CLNK: variants seen among roughly 807,000 people sequenced by gnomAD.
The protein encoded by CLNK is cytokine-dependent hematopoietic cell linker.
In CLNK, 74 loss-of-function variants were observed where a neutral mutation model predicts 68.6. That is an observed-to-expected ratio of 1.08 (90% CI 0.89 to 1.31). The LOEUF (loss-of-function observed/expected upper bound fraction) is 1.31. Ranked by LOEUF, CLNK falls within the 50% of genes most tolerant of loss-of-function variation. The pLI is 0.00. For synonymous variants in CLNK, 198 were observed against 172.2 expected (o/e 1.15, Z -1.17); for missense variants, 553 against 515.3 (o/e 1.07, Z -0.71).
chr4:10,667,732 C>A (rs1365026861), intron 2 of CLNK, 127 bp downstream of exon 2: 7 of 309,970 alleles, frequency 2.3e-5, no homozygotes, highest in Non-Finnish European at 3.4e-5. Context: ...CAACCATGGC[C>A]TCTCAGGAAA....
At chr4:10,648,025 C>T (rs193117738) in intron 2 of CLNK, among the ~76,000 whole-genome samples, 27 of 152,292 alleles carry the variant, frequency 1.8e-4, no homozygotes, top group African/African-American at 5.5e-4. Context: ...CCTGAAGATT[C>T]ACCTTCTACA....
chr4:10,631,281 A>G (rs752437566), intron 2 of CLNK, among the ~76,000 whole-genome samples: 1 of 152,230 alleles, frequency 6.6e-6, no homozygotes, highest in Non-Finnish European at 1.5e-5. Context: ...TCTCTCATAA[A>G]GGCTGAGTAC....
chr4:10,583,953 T>G (rs1720879294), intron 4 of CLNK, among the ~76,000 whole-genome samples: 2 of 152,280 alleles, frequency 1.3e-5, no homozygotes, highest in South Asian at 4.1e-4. Flanking sequence ...TTCTCTTCCC[T>G]CCAGGATGCC....
chr4:10,602,625 T>G (rs1721630705), intron 2 of CLNK, among the ~76,000 whole-genome samples: 1 of 152,168 alleles, frequency 6.6e-6, no homozygotes, highest in Non-Finnish European at 1.5e-5. Flanking sequence ...ACTTCTGGAC[T>G]CCAGAACGGT....
chr4:10,728,789 G>A, the CLNK span, among the ~76,000 whole-genome samples: 1 of 151,704 alleles, frequency 6.6e-6, no homozygotes, highest in Non-Finnish European at 1.5e-5. Context: ...TAGAGACGGG[G>A]TTTCGCCATG....
chr4:10,575,540 C>G (rs1458978078), intron 4 of CLNK, among the ~76,000 whole-genome samples: 2 of 152,270 alleles, frequency 1.3e-5, no homozygotes, highest in African/African-American at 4.8e-5. Context: ...CACACACGTG[C>G]ACACCAGGCC....
chr4:10,619,517 T>C (rs1304400674), intron 2 of CLNK, among the ~76,000 whole-genome samples: 1 of 152,130 alleles, frequency 6.6e-6, no homozygotes, highest in Admixed American at 6.5e-5. Context: ...TGTGTGGCAA[T>C]GACTTCACTA....
intron 2 of CLNK, among the ~76,000 whole-genome samples, chr4:10,656,026 C>T (rs911181162): frequency 2.6e-5 from 4 of 152,150 alleles, no homozygotes; most frequent in South Asian, 2.1e-4. Flanking sequence ...AAAAGATCCC[C>T]AAACTCCTCC....
At chr4:10,564,801 A>G in intron 6 of CLNK, 24 bp from the exon 7 acceptor site, 1 of 1,405,958 alleles carries the variant, frequency 7.1e-7, no homozygotes, top group South Asian at 1.2e-5. Flanking sequence ...AAAATATGAA[A>G]GTCATACCTT....
At chr4:10,602,051 T>G (rs1441420748) in intron 2 of CLNK, among the ~76,000 whole-genome samples, 2 of 152,202 alleles carry the variant, frequency 1.3e-5, no homozygotes, top group Admixed American at 6.5e-5. Flanking sequence ...CTCCAGACTG[T>G]TTTCTTGAGC....
chr4:10,576,561 C>T (rs537811330), intron 4 of CLNK, among the ~76,000 whole-genome samples: 2 of 152,224 alleles, frequency 1.3e-5, no homozygotes, highest in Non-Finnish European at 2.9e-5. Context: ...AAGGCAATTA[C>T]TCCAGCCCTG....
intron 2 of CLNK, among the ~76,000 whole-genome samples, chr4:10,623,838 CCTT>C (rs768907289): frequency 6.6e-6 from 1 of 152,184 alleles, no homozygotes; most frequent in Non-Finnish European, 1.5e-5. Context: ...CCCTAGAAAA[CCTT>C]CTGTGGAACT....
chr4:10,523,645 A>G (rs963908054), intron 14 of CLNK, among the ~76,000 whole-genome samples: 5 of 152,224 alleles, frequency 3.3e-5, no homozygotes, highest in East Asian at 1.9e-4. Flanking sequence ...ACATCAAATA[A>G]CTATTACAGA....
At chr4:10,707,695 T>A in the CLNK span, among the ~76,000 whole-genome samples, 1 of 152,216 alleles carries the variant, frequency 6.6e-6, no homozygotes, top group Admixed American at 6.5e-5. Context: ...AATAAACCTC[T>A]TTACAGTTCA....
At chr4:10,502,852 G>A (rs1168635553) in intron 17 of CLNK, among the ~76,000 whole-genome samples, 3 of 152,044 alleles carry the variant, frequency 2.0e-5, no homozygotes, top group African/African-American at 2.4e-5. Context: ...GAAAGATGAC[G>A]GAAGACCAGG....
At chr4:10,643,970 G>T (rs966448936) in intron 2 of CLNK, among the ~76,000 whole-genome samples, 19 of 152,222 alleles carry the variant, frequency 1.2e-4, no homozygotes, top group Non-Finnish European at 2.5e-4. Context: ...TGAAGAAAGG[G>T]CTAGAGAAAA....
At chr4:10,594,627 C>A (rs61795151) in intron 3 of CLNK, among the ~76,000 whole-genome samples, 1 of 152,176 alleles carries the variant, frequency 6.6e-6, no homozygotes, top group Non-Finnish European at 1.5e-5. Context: ...TGTGGCTGTG[C>A]TTTCCAGAAG....
intron 2 of CLNK, among the ~76,000 whole-genome samples, chr4:10,641,858 A>G (rs985457346): frequency 1.3e-5 from 2 of 152,126 alleles, no homozygotes; most frequent in Non-Finnish European, 2.9e-5. Context: ...TTCTCATGGT[A>G]GTGATTAAGT....
chr4:10,642,891 T>A (rs546939915), intron 2 of CLNK, among the ~76,000 whole-genome samples: 1 of 152,316 alleles, frequency 6.6e-6, no homozygotes, highest in East Asian at 1.9e-4. Context: ...GTTAAATGCT[T>A]CAAAGCCATA....
Sources: gnomAD v4.1 joint callset for allele counts (sites outside exome capture counted in the v4.1 genomes callset) on GRCh38, gnomAD v4.1.1 for gene constraint, MANE v1.5 for transcripts, NCBI Gene and HGNC (gene_info 2026-07-23, HGNC 2026-07-21) for gene names.